Variants in KCTD20 observed in about 807,000 individuals in gnomAD.
KCTD20 encodes potassium channel tetramerization domain containing 20, also known as BTB/POZ domain-containing protein KCTD20.
KCTD20 carries 30 observed loss-of-function variants against 39.6 expected under a neutral mutation model. That is an observed-to-expected ratio of 0.76 (90% CI 0.57 to 1.03). KCTD20 has a LOEUF of 1.03. Among genes scored for constraint, KCTD20 ranks in the 50% least tolerant of loss-of-function variants. The pLI is 0.00. For synonymous variants in KCTD20, 162 were observed against 180.6 expected, an observed-to-expected ratio of 0.90 and a Z score of 0.83; for missense variants, 422 against 522.0, an observed-to-expected ratio of 0.81 and a Z score of 1.87.
rs147262466 is a variant in KCTD20 at position 36,464,311 on chromosome 6, T to C, written c.-46-5741T>C. ...ATTAAATTTGAACTGAAAACATCAGTATAAACTCTATTTATGAATGAATGA... is the reference window on the plus strand; with the variant it reads ...ATTAAATTTGAACTGAAAACATCAGCATAAACTCTATTTATGAATGAATGA... On this transcript the variant is annotated intron_variant, in intron 1 of 7. Coordinates refer to ENST00000373731, the MANE Select transcript of KCTD20 (RefSeq NM_173562.5). Among the ~76,000 whole-genome samples the C allele has an allele frequency of 6.3e-3, 955 of 152,326 alleles. 13 individuals are homozygous for C. The highest frequency in any genetic ancestry group is 0.022 in the African/African-American group (919 of 41,568).
intron 1 of KCTD20, among the ~76,000 whole-genome samples, chr6:36,455,619 G>GTT (rs1491015114): frequency 4.2e-5 from 6 of 142,168 alleles, no homozygotes; most frequent in Admixed American, 7.1e-5. Context: ...GTGTGTGTGT[G>GTT]TTCACACACA....
At chr6:36,448,186 G>A (rs1014137584) in intron 1 of KCTD20, among the ~76,000 whole-genome samples, 3 of 151,854 alleles carry the variant, frequency 2.0e-5, no homozygotes, top group African/African-American at 4.8e-5. Flanking sequence ...TCTAGTTGTC[G>A]CTGTCACTGC....
chr6:36,463,767 C>A (rs943515665), intron 1 of KCTD20, among the ~76,000 whole-genome samples: 1 of 152,164 alleles, frequency 6.6e-6, no homozygotes, highest in East Asian at 1.9e-4. Flanking sequence ...GCCTCCAGAA[C>A]TGTGAGAAAA....
chr6:36,467,107 A>G (rs1267436998), intron 1 of KCTD20, among the ~76,000 whole-genome samples: 1 of 151,658 alleles, frequency 6.6e-6, no homozygotes, highest in Non-Finnish European at 1.5e-5. Context: ...CAGGAGTTTG[A>G]GACCAGCCTG....
intron 2 of KCTD20, among the ~76,000 whole-genome samples, chr6:36,473,734 C>T (rs1775980412): frequency 2.0e-5 from 3 of 151,826 alleles, no homozygotes. Context: ...GATCGCGCCA[C>T]TGCACTCCAG....
At chr6:36,457,996 T>C (rs1775487966) in intron 1 of KCTD20, among the ~76,000 whole-genome samples, 1 of 152,066 alleles carries the variant, frequency 6.6e-6, no homozygotes, top group Non-Finnish European at 1.5e-5. Flanking sequence ...GGTGGGTGAT[T>C]GGGAGACCAT....
intron 1 of KCTD20, among the ~76,000 whole-genome samples, chr6:36,455,825 T>C (rs2077072232): frequency 6.6e-6 from 1 of 152,198 alleles, no homozygotes; most frequent in Non-Finnish European, 1.5e-5. Context: ...AAGCAACTGA[T>C]TGGATCAGGC....
chr6:36,449,427 A>G (rs1362341965), intron 1 of KCTD20, among the ~76,000 whole-genome samples: 1 of 151,746 alleles, frequency 6.6e-6, no homozygotes, highest in African/African-American at 2.4e-5. Flanking sequence ...GCGTTTTTAC[A>G]TAGTGCTGAT....
In KCTD20 at chr6:36,479,606, G is replaced by A. The variant is rs753004391; in HGVS notation, c.553G>A (p.Gly185Ser). 66 of 1,604,704 alleles carry A rather than the reference G, an allele frequency of 4.1e-5. No homozygotes were observed. The highest frequency in any genetic ancestry group is 5.1e-5 in the Admixed American group (3 of 58,734). Residue 185 changes from glycine to serine, a missense_variant, in exon 5 of 8, where the codon GGT becomes AGT. Physicochemically the swap from Gly to Ser is moderately conservative, Grantham distance 56. Transcript: ENST00000373731. ...FRTVLDYYKT[G>S]IINCPDGISI... ...CTATTTACAGGATTATTACAAAACC[G>A]GTATCATCAATTGTCCTGATGGCAT...
In KCTD20 at chr6:36,481,591, G is replaced by A. The variant is rs1776251413; in HGVS notation, c.688G>A (p.Gly230Ser). 6.2e-7 allele frequency: 1 copy of A among 1,614,068 alleles called. No individual in the cohort carries two copies. Among genetic ancestry groups the A allele is most frequent in the Non-Finnish European group, 8.5e-7 (1 of 1,180,000 alleles). ...SALLHELSND[G>S]AHKQFDHYLE... ...TTTACTCCATGAACTGTCTAATGAC[G>A]GTGCTCATAAGCAGTTTGATCACTA... Residue 230 changes from glycine (G) to serine (S), a missense_variant, in exon 6 of 8, where the codon GGT (glycine) becomes AGT (serine). Transcript: ENST00000373731.
At chr6:36,453,517 G>GTT (rs545358597) in intron 1 of KCTD20, among the ~76,000 whole-genome samples, 13 of 134,888 alleles carry the variant, frequency 9.6e-5, no homozygotes, top group Non-Finnish European at 1.1e-4. Context: ...TTTGTTTTTT[G>GTT]TTTTTTTTTT....
intron 3 of KCTD20, among the ~76,000 whole-genome samples, chr6:36,477,486 T>C (rs565388039): frequency 6.7e-5 from 10 of 149,516 alleles, no homozygotes; most frequent in Admixed American, 5.3e-4. Context: ...CTTTTCTTTT[T>C]TTTTTTTTTT....
At chr6:36,446,096 G>A (rs1191175075) in intron 1 of KCTD20, among the ~76,000 whole-genome samples, 2 of 143,756 alleles carry the variant, frequency 1.4e-5, no homozygotes, top group Admixed American at 7.4e-5. Context: ...GCGTGATCTC[G>A]GCTCACTGCA....
intron 1 of KCTD20, among the ~76,000 whole-genome samples, chr6:36,445,434 A>G (rs1364163979): frequency 6.6e-6 from 1 of 152,072 alleles, no homozygotes; most frequent in Non-Finnish European, 1.5e-5. Context: ...TGTCTGATTT[A>G]TCTTATTGAA....
rs1776120035 is a variant in KCTD20, at chr6:36,477,977, C to A, written c.435-1144C>A. ...GGGTGCCCTGGCGGGCGCCTGTAGT[C>A]CCAACTGCTGGGGAGGCTAAGGCAG... On this transcript the variant is annotated intron_variant, in intron 3 of 7. Coordinates refer to ENST00000373731, the MANE Select transcript of KCTD20 (RefSeq NM_173562.5). Among the ~76,000 whole-genome samples the A allele has an allele frequency of 2.0e-5, 3 of 151,198 alleles. No individual in the cohort carries two copies. The South Asian group carries it at 6.2e-4, about 31-fold the overall frequency.
In KCTD20 at chr6:36,457,429, C is replaced by T. The variant is rs562115807; in HGVS notation, c.-46-12623C>T. Among the ~76,000 whole-genome samples, 11 of 152,188 alleles carry T rather than the reference C, an allele frequency of 7.2e-5. No individual in the cohort carries two copies. In the East Asian group the frequency reaches 7.7e-4, roughly 11 times the overall value. On this transcript the variant is annotated intron_variant, in intron 1 of 7. Transcript: ENST00000373731. ...CTGTATCCTAATCAAATGTTGAGGC[C>T]GGGTACGGGGACTCACGCCTATAAT... is the stretch of plus-strand genomic sequence containing the variant.
chr6:36,470,076 G>A lies in KCTD20; in HGVS notation c.-22G>A. 6.2e-7 allele frequency: 1 copy of A among 1,604,832 alleles called. No individual in the cohort carries two copies. The highest frequency in any genetic ancestry group is 8.5e-7 in the Non-Finnish European group (1 of 1,173,948). ...GGATTTCTCTCTGATCAAACGGACA[G>A]TTCAGGACTCAGAATCTAAGGATGA... On this transcript the variant is annotated 5_prime_UTR_variant, in exon 2 of 8. Transcript: ENST00000373731.
intron 1 of KCTD20, among the ~76,000 whole-genome samples, chr6:36,445,372 G>A (rs1775010221): frequency 6.6e-6 from 1 of 151,600 alleles, no homozygotes; most frequent in South Asian, 2.1e-4. Context: ...GATGTGTAGA[G>A]ATGAGGTTAG....
chr6:36,451,480 C>T (rs1405144694), intron 1 of KCTD20: 1 of 152,086 alleles, frequency 6.6e-6, no homozygotes, highest in African/African-American at 2.4e-5. Flanking sequence ...AATACTATTT[C>T]ACACTATTTC....
Sources: gnomAD v4.1 joint callset for allele counts (sites outside exome capture counted in the v4.1 genomes callset) on GRCh38, gnomAD v4.1.1 for gene constraint, MANE v1.5 for transcripts, NCBI Gene and HGNC (gene_info 2026-07-23, HGNC 2026-07-21) for gene names.